ASCC2: variants seen among roughly 807,000 people sequenced by gnomAD.
ASCC2 encodes activating signal cointegrator 1 complex subunit 2.
A neutral mutation model predicts 93.5 loss-of-function variants in ASCC2; 42 were observed. The ratio of observed to expected loss-of-function variants is 0.45; its 90% CI spans 0.35 to 0.58. The LOEUF (loss-of-function observed/expected upper bound fraction) is 0.58, where lower values mean the gene tolerates loss of function less well. ASCC2 is among the 20% of genes least tolerant of loss of function. The pLI, the probability that ASCC2 is intolerant of heterozygous loss-of-function variation, is 0.00. For missense variants in ASCC2, 859 were observed against 977.6 expected, an observed-to-expected ratio of 0.88 and a Z score of 1.62; for synonymous variants, 364 against 384.2, an observed-to-expected ratio of 0.95 and a Z score of 0.62.
At chr22:29,818,571 G>C (rs1344755626) in intron 5 of ASCC2, among the ~76,000 whole-genome samples, 1 of 151,894 alleles carries the variant, frequency 6.6e-6, no homozygotes, top group Non-Finnish European at 1.5e-5. Context: ...AGCCAGTTTA[G>C]GGTTCTCAAC....
intron 15 of ASCC2, 135 bp from the exon 16 acceptor site, chr22:29,793,811 T>G: frequency 7.5e-6 from 6 of 798,450 alleles, no homozygotes; most frequent in Non-Finnish European, 7.8e-6. Context: ...AATCAAGCAT[T>G]GGTGAGGGCG....
rs1401521630 is a variant in ASCC2 at position 29,806,802 on chromosome 22, T to C, written c.1011A>G (p.Glu337=). 7.5e-6 allele frequency: 12 copies of C among 1,610,552 alleles called. No individual in the cohort carries two copies. Residue 337 remains glutamate (E), a synonymous_variant, in exon 10 of 20, where the codon GAA becomes GAG. Transcript: ENST00000307790. The stretch of plus-strand genomic sequence containing the variant: ...GGCAATTCGTGAGGGCTTACCTGCT[T>C]TCTAGGATGGGAAGGAGGCAGATCT... The part of the protein sequence containing the change: ...LNQICLLPIL[E]SSCDNIQGFI...
At chr22:29,790,269 G>C (rs2068829051) in intron 19 of ASCC2, among the ~76,000 whole-genome samples, 200 bp downstream of exon 19, 1 of 152,202 alleles carries the variant, frequency 6.6e-6, no homozygotes, top group Non-Finnish European at 1.5e-5. Context: ...CTTCTGGCTG[G>C]TTACTTAACG....
intron 8 of ASCC2, among the ~76,000 whole-genome samples, chr22:29,812,886 G>GTTT (rs111804922): frequency 1.4e-5 from 2 of 143,768 alleles, no homozygotes; most frequent in Non-Finnish European, 1.5e-5. Flanking sequence ...TTGGTTGTGC[G>GTTT]TTTTTTTTTT....
At chr22:29,824,077 T>C (rs531819235) in intron 4 of ASCC2, among the ~76,000 whole-genome samples, 2 of 152,128 alleles carry the variant, frequency 1.3e-5, no homozygotes, top group African/African-American at 4.8e-5. Flanking sequence ...CAGTCCCAGC[T>C]ACTTTGGAGG....
chr22:29,807,819 G>A (rs1183379623), intron 9 of ASCC2, among the ~76,000 whole-genome samples: 1 of 152,092 alleles, frequency 6.6e-6, no homozygotes. Flanking sequence ...TGAAGTGGGA[G>A]GATTGATTGA....
chr22:29,827,710 T>A lies in ASCC2; in HGVS notation c.82-1930A>T, dbSNP rs1234695404. The A allele has an allele frequency of 7.0e-6, 3 of 428,170 alleles. No homozygotes were observed. In the East Asian group the frequency reaches 2.2e-4, roughly 31 times the overall value. The allele number at this position is 428,170 out of a possible 1,614,324, so 26.5% of individuals were successfully genotyped here. A position where few individuals can be genotyped will look rare whatever the true frequency, so the allele number is the denominator to read the frequency against. On this transcript the variant is annotated intron_variant, in intron 2 of 19. Transcript: ENST00000307790. ...CCTCCCTCTTCTATCTGTTGGCACT[T>A]TACCTCTTCCCTCACTTCTCACTCA...
In ASCC2 at chr22:29,806,514, C is replaced by T; in HGVS notation, c.1056G>A (p.Gln352=). 6.2e-7 allele frequency: 1 copy of T among 1,614,004 alleles called. No individual in the cohort carries two copies. Among genetic ancestry groups the T allele is most frequent in the African/African-American group, 1.3e-5 (1 of 75,046 alleles). The change falls in exon 11 of 20, where the codon CAG becomes CAA. Residue 352 remains glutamine, a synonymous_variant. Transcript: ENST00000307790. ...NIQGFIEEFL[Q]IFSSLLQEKR... is the part of the protein sequence containing the mutation. Reference sequence around the variant, plus strand: ...TCTCCTGCAGCAAGGAGCTGAAGATCTGAAGGAACTCTTCGATGAAGCCCT... The same window carrying T: ...TCTCCTGCAGCAAGGAGCTGAAGATTTGAAGGAACTCTTCGATGAAGCCCT...
intron 18 of ASCC2, 58 bp from the exon 19 acceptor site, chr22:29,790,606 G>T (rs766672008): frequency 1.3e-6 from 2 of 1,540,124 alleles, no homozygotes; most frequent in Admixed American, 3.4e-5. Context: ...TTTCCTAAGC[G>T]GCGATGAGGC....
In ASCC2 at chr22:29,813,658, G is replaced by C. The variant is rs145545955; in HGVS notation, c.721-116C>G. On this transcript the variant is annotated intron_variant, in intron 7 of 19. Transcript: ENST00000307790. ...CCCAAACAGGCAGGATGTTACACAG[G>C]AGGAAAAGAACACTGGAGGTCCCAG... 233 of 713,606 alleles carry C rather than the reference G, an allele frequency of 3.3e-4. 2 individuals carry two copies. In the African/African-American group the frequency reaches 3.8e-3, roughly 12 times the overall value. 44.2% of individuals were successfully genotyped at this position (713,606 alleles called of 1,614,324 possible).
At chr22:29,805,594 G>A (rs2059580194) in intron 12 of ASCC2, among the ~76,000 whole-genome samples, 7 of 152,086 alleles carry the variant, frequency 4.6e-5, no homozygotes, top group Admixed American at 3.9e-4. Context: ...TCACCCCAGG[G>A]CTGTGCACGT....
At chr22:29,804,605 G>A (rs2059463805) in intron 13 of ASCC2, 33 bp downstream of exon 13, 1 of 1,603,680 alleles carries the variant, frequency 6.2e-7, no homozygotes, top group South Asian at 1.1e-5. Context: ...GGAGGGACAA[G>A]CGAAGAGGGA....
intron 5 of ASCC2, among the ~76,000 whole-genome samples, chr22:29,820,632 T>C (rs1488577734): frequency 6.6e-6 from 1 of 151,760 alleles, no homozygotes; most frequent in African/African-American, 2.4e-5. Flanking sequence ...CATATTATCT[T>C]TACCATTAAG....
rs113462207 is a variant in ASCC2 at position 29,825,208 on chromosome 22, T to C, written c.290A>G (p.Tyr97Cys). Residue 97 changes from tyrosine to cysteine, a missense_variant, in exon 4 of 20, where the codon TAT becomes TGT. Tyr to Cys is a radical substitution (Grantham distance 194, BLOSUM62 -2). Coordinates refer to ENST00000307790, the MANE Select transcript of ASCC2 (RefSeq NM_032204.5). The surrounding 1 kb of genome is among the most constrained non-coding windows in gnomAD (Gnocchi z 4.9). ...CCCCTCGTCGAATTTGCGGGGGACA[T>C]AGCGCAGGTAGGAGTCCAGGCACTT... ...LQKCLDSYLR[Y>C]VPRKFDEGVA... 1.6e-5 allele frequency: 25 copies of C among 1,554,622 alleles called. No homozygotes were observed. Among genetic ancestry groups the C allele is most frequent in the African/African-American group, 5.5e-5 (4 of 72,514 alleles).
At chr22:29,792,221 T>C (rs2057844584) in intron 18 of ASCC2, among the ~76,000 whole-genome samples, 1 of 152,112 alleles carries the variant, frequency 6.6e-6, no homozygotes, top group Admixed American at 6.6e-5. Flanking sequence ...GCCTTTAATC[T>C]GTCCCCTAGG....
chr22:29,834,549 G>A, intron 1 of ASCC2: 1 of 470,478 alleles, frequency 2.1e-6, no homozygotes, highest in Non-Finnish European at 4.4e-6. Context: ...ACACGAGGTG[G>A]CCTGAAAAAA....
chr22:29,796,121 T>G (rs1286110072), intron 15 of ASCC2, among the ~76,000 whole-genome samples: 1 of 151,794 alleles, frequency 6.6e-6, no homozygotes, highest in Non-Finnish European at 1.5e-5. Flanking sequence ...CATCTTTTTT[T>G]TTTTTGAGAC....
rs965768821 is a variant in ASCC2, at chr22:29,825,807, C to G, written c.82-27G>C. The stretch of plus-strand genomic sequence containing the variant: ...TACGGATCCAAAAACCACGTGTTAA[C>G]GTGGCAGAGGTTAGTCAGCGAGGGC... On this transcript the variant is annotated intron_variant, in intron 2 of 19. Coordinates refer to ENST00000307790, the MANE Select transcript of ASCC2 (RefSeq NM_032204.5). The surrounding 1 kb of genome is among the most constrained non-coding windows in gnomAD (Gnocchi z 4.9). The G allele has an allele frequency of 1.9e-6, 3 of 1,589,700 alleles. No homozygotes were observed. Among genetic ancestry groups the G allele is most frequent in the African/African-American group, 1.3e-5 (1 of 74,564 alleles).
At chr22:29,828,310 C>T (rs1746987861) in intron 2 of ASCC2, among the ~76,000 whole-genome samples, 1 of 152,172 alleles carries the variant, frequency 6.6e-6, no homozygotes, top group Admixed American at 6.6e-5. Context: ...ATGAAAGCTG[C>T]CACTCATTGT....
Sources: gnomAD v4.1 joint callset for allele counts (sites outside exome capture counted in the v4.1 genomes callset) on GRCh38, gnomAD v4.1.1 for gene constraint, Gnocchi (gnomAD v3.1) non-coding constraint, MANE v1.5 for transcripts, NCBI Gene and HGNC (gene_info 2026-07-23, HGNC 2026-07-21) for gene names.